Variants in SLC2A13 observed in about 807,000 individuals in gnomAD.
SLC2A13 encodes the protein proton myo-inositol cotransporter.
Under a neutral mutation model 64.4 loss-of-function variants are expected in SLC2A13, and 32 were observed. The observed-to-expected ratio is 0.50, with a 90% CI of 0.37 to 0.67. SLC2A13 has a LOEUF of 0.67. Among genes scored for constraint, SLC2A13 ranks in the 30% least tolerant of loss-of-function variants. SLC2A13 has a pLI of 0.00. For synonymous variants in SLC2A13, 338 were observed against 327.1 expected (o/e 1.03, Z -0.36); for missense variants, 743 against 829.2 (o/e 0.90, Z 1.28).
At chr12:39,870,977 G>A (rs998350172) in intron 5 of SLC2A13, among the ~76,000 whole-genome samples, 4 of 152,234 alleles carry the variant, frequency 2.6e-5, no homozygotes, top group African/African-American at 9.6e-5. Flanking sequence ...TGCTGCCCTG[G>A]AAACTATCTT....
At chr12:39,913,224 T>C (rs1188265785) in intron 4 of SLC2A13, among the ~76,000 whole-genome samples, 1 of 152,048 alleles carries the variant, frequency 6.6e-6, no homozygotes, top group African/African-American at 2.4e-5. Context: ...GGTTTCTTAT[T>C]GCAGGGGAAG....
intron 4 of SLC2A13, among the ~76,000 whole-genome samples, chr12:39,877,219 G>C (rs1944208717): frequency 6.6e-6 from 1 of 152,132 alleles, no homozygotes; most frequent in Non-Finnish European, 1.5e-5. Flanking sequence ...AAAAGAGGTT[G>C]AATGGACTCA....
intron 7 of SLC2A13, among the ~76,000 whole-genome samples, chr12:39,782,054 C>T (rs546649886): frequency 9.9e-5 from 15 of 152,170 alleles, no homozygotes; most frequent in African/African-American, 3.4e-4. Flanking sequence ...TTGGTGGGGT[C>T]GAGGTAATCA....
In SLC2A13 at chr12:39,895,787, T is replaced by C. The variant is rs377571080; in HGVS notation, c.1035-23826A>G. ...ACACACATGTATATGCGTGTATACG[T>C]ACACACATGTATATGCGTGTATACG... On this transcript the variant is annotated intron_variant, in intron 4 of 9. Transcript: ENST00000280871. Among the ~76,000 whole-genome samples the C allele has an allele frequency of 4.1e-3, 178 of 43,908 alleles. 45 individuals are homozygous for C. The highest frequency in any genetic ancestry group is 0.015 in the African/African-American group (171 of 11,706). The allele number at this position is 43,908 out of a possible 152,430, so 28.8% of individuals were successfully genotyped here.
chr12:39,818,668 A>T (rs954218728), intron 7 of SLC2A13, among the ~76,000 whole-genome samples: 1 of 152,160 alleles, frequency 6.6e-6, no homozygotes, highest in Admixed American at 6.6e-5. Context: ...CCAAGTTTTT[A>T]TAAATACCAA....
At chr12:40,009,671 A>C (rs1947491127) in intron 3 of SLC2A13, among the ~76,000 whole-genome samples, 1 of 152,018 alleles carries the variant, frequency 6.6e-6, no homozygotes, top group African/African-American at 2.4e-5. Flanking sequence ...GAGCTCAAGC[A>C]ATCCTCGAGC....
At chr12:39,762,445 GC>G (rs1197096585) in intron 9 of SLC2A13, among the ~76,000 whole-genome samples, 1 of 122,334 alleles carries the variant, frequency 8.2e-6, no homozygotes, top group Non-Finnish European at 1.8e-5. Context: ...TTGACATAAT[GC>G]CCCCCAAGGG....
chr12:39,768,918 T>C (rs936143907), intron 7 of SLC2A13, among the ~76,000 whole-genome samples: 11 of 152,094 alleles, frequency 7.2e-5, no homozygotes, highest in South Asian at 2.1e-4. Flanking sequence ...AGTGCAATGA[T>C]GGCAAACACA....
intron 4 of SLC2A13, among the ~76,000 whole-genome samples, chr12:39,932,376 A>G (rs1945840621): frequency 6.6e-6 from 1 of 152,198 alleles, no homozygotes; most frequent in Non-Finnish European, 1.5e-5. Context: ...TCATCTTTTA[A>G]AAGTTCAGCA....
At chr12:40,101,724 A>C (rs939738226) in intron 1 of SLC2A13, among the ~76,000 whole-genome samples, 3 of 152,066 alleles carry the variant, frequency 2.0e-5, no homozygotes, top group African/African-American at 4.8e-5. Flanking sequence ...TCACTCATCT[A>C]TGCTTCAAAT....
At chr12:40,076,467 T>C (rs1938179225) in intron 1 of SLC2A13, among the ~76,000 whole-genome samples, 1 of 152,176 alleles carries the variant, frequency 6.6e-6, no homozygotes, top group African/African-American at 2.4e-5. Context: ...GCAGCATCCA[T>C]GTTGCTGGAA....
At chr12:39,799,297 A>G (rs1161223846) in intron 7 of SLC2A13, among the ~76,000 whole-genome samples, 1 of 136,794 alleles carries the variant, frequency 7.3e-6, no homozygotes, top group Non-Finnish European at 1.5e-5. Context: ...TTTAGTAGCA[A>G]TGGGGTTTCG....
At position 39,854,101 on chromosome 12, in the gene SLC2A13, C is replaced by CA. The variant is rs565320614; in HGVS notation, c.1319+10660dup. Among the ~76,000 whole-genome samples, 812 of 137,142 alleles carry CA rather than the reference C, an allele frequency of 5.9e-3. 3 individuals carry two copies. The highest frequency in any genetic ancestry group is 0.014 in the African/African-American group (531 of 37,338). The allele number at this position is 137,142 out of a possible 152,430, so 90.0% of individuals were successfully genotyped here. ...AGGCTTTGGATAGTATTGACATAAG[C>CA]AAAAAAAAAAATAAAGGCCATTAGC... On this transcript the variant is annotated intron_variant, in intron 6 of 9. Coordinates refer to ENST00000280871, the MANE Select transcript of SLC2A13 (RefSeq NM_052885.4).
intron 3 of SLC2A13, among the ~76,000 whole-genome samples, chr12:39,998,692 C>G (rs1320397687): frequency 2.0e-5 from 3 of 152,088 alleles, no homozygotes; most frequent in Non-Finnish European, 4.4e-5. Context: ...GCAGAAGGAA[C>G]TTGTTTTGTC....
intron 3 of SLC2A13, among the ~76,000 whole-genome samples, chr12:40,001,430 A>G (rs1326975156): frequency 6.6e-6 from 1 of 152,262 alleles, no homozygotes; most frequent in East Asian, 1.9e-4. Flanking sequence ...TTTTCTAAAA[A>G]TTGCCTTACA....
intron 3 of SLC2A13, among the ~76,000 whole-genome samples, chr12:40,007,405 CT>C (rs539474607): frequency 6.6e-6 from 1 of 152,090 alleles, no homozygotes; most frequent in Non-Finnish European, 1.5e-5. Context: ...TTCATAAGTT[CT>C]TTTTTGCTAT....
At chr12:40,035,766 C>T (rs546569704) in intron 2 of SLC2A13, among the ~76,000 whole-genome samples, 1 of 152,288 alleles carries the variant, frequency 6.6e-6, no homozygotes, top group African/African-American at 2.4e-5. Context: ...TAGAAGAAGA[C>T]TCCACCAAGT....
intron 1 of SLC2A13, among the ~76,000 whole-genome samples, chr12:40,063,233 A>G (rs1948453576): frequency 6.6e-6 from 1 of 152,110 alleles, no homozygotes; most frequent in Non-Finnish European, 1.5e-5. Flanking sequence ...TTTATTTGTC[A>G]GTTACTGATT....
chr12:39,968,632 A>G (rs1490894236), intron 3 of SLC2A13, among the ~76,000 whole-genome samples: 1 of 151,744 alleles, frequency 6.6e-6, no homozygotes, highest in African/African-American at 2.4e-5. Context: ...CTCTATCCCA[A>G]GTCTACCAAC....
Sources: gnomAD v4.1 joint callset for allele counts (sites outside exome capture counted in the v4.1 genomes callset) on GRCh38, gnomAD v4.1.1 for gene constraint, MANE v1.5 for transcripts, NCBI Gene and HGNC (gene_info 2026-07-23, HGNC 2026-07-21) for gene names.